Variants in CAMTA1 observed in about 807,000 individuals in gnomAD.
CAMTA1 encodes the protein calmodulin binding transcription activator 1.
CAMTA1 carries 27 observed loss-of-function variants against 170.9 expected under a neutral mutation model. That is an observed-to-expected ratio of 0.16 (90% CI 0.12 to 0.22). The LOEUF is 0.22. CAMTA1 is among the 10% of genes least tolerant of loss of function. The probability of loss-of-function intolerance (pLI) is 1.00; values close to 1 mark genes in which losing one functional copy is unlikely to be tolerated. For synonymous variants in CAMTA1, 833 were observed against 891.5 expected (o/e 0.93, Z 1.17); for missense variants, 1,619 against 2,217.2 (o/e 0.73, Z 5.42).
intron 5 of CAMTA1, among the ~76,000 whole-genome samples, chr1:7,414,787 T>C (rs1266045577): frequency 6.6e-6 from 1 of 151,970 alleles, no homozygotes; most frequent in African/African-American, 2.4e-5. Flanking sequence ...TAGTTATTTC[T>C]TGCCTTCTGC....
rs79732977 is a variant in CAMTA1, at chr1:7,643,701, A to G, written c.664+3148A>G. On this transcript the variant is annotated intron_variant, in intron 7 of 22. Coordinates refer to ENST00000303635, the MANE Select transcript of CAMTA1 (RefSeq NM_015215.4). ...TGTAAAACTACAACAAACTCCCCAT[A>G]AATCTAATAACACTCAGCTCTCTGG... Among the ~76,000 whole-genome samples the G allele has an allele frequency of 8.5e-3, 1,299 of 152,358 alleles. 36 individuals are homozygous for G. The highest frequency in any genetic ancestry group is 6.1e-3 in the Non-Finnish European group (414 of 68,030).
At chr1:6,992,666 C>T (rs754722532) in intron 3 of CAMTA1, among the ~76,000 whole-genome samples, 2 of 152,126 alleles carry the variant, frequency 1.3e-5, no homozygotes, top group African/African-American at 2.4e-5. Flanking sequence ...AAAGCAGGCA[C>T]GTCTTACATG....
chr1:7,147,341 G>T (rs934576836), intron 4 of CAMTA1, among the ~76,000 whole-genome samples: 1 of 151,404 alleles, frequency 6.6e-6, no homozygotes, highest in Non-Finnish European at 1.5e-5. Flanking sequence ...GGAGAATGGC[G>T]TGAACCCGGG....
intron 3 of CAMTA1, among the ~76,000 whole-genome samples, chr1:7,061,941 C>T (rs559000339): frequency 1.3e-5 from 2 of 151,888 alleles, no homozygotes; most frequent in South Asian, 2.1e-4. Context: ...TTTTTGAGAC[C>T]GAGTTTTGTT....
chr1:6,975,634 G>A (rs111566416), intron 3 of CAMTA1, among the ~76,000 whole-genome samples: 5 of 152,166 alleles, frequency 3.3e-5, no homozygotes, highest in South Asian at 2.1e-4. Flanking sequence ...GCATAATAAC[G>A]GCTTCATTGA....
At chr1:7,567,331 A>G (rs1487837006) in intron 6 of CAMTA1, among the ~76,000 whole-genome samples, 1 of 152,218 alleles carries the variant, frequency 6.6e-6, no homozygotes, top group Non-Finnish European at 1.5e-5. Flanking sequence ...ACCCTGAAGG[A>G]CAGGGGAGGG....
At position 7,682,176 on chromosome 1, in the gene CAMTA1, G is replaced by A. The variant is rs969910383; in HGVS notation, c.2914+4443G>A. Among the ~76,000 whole-genome samples the A allele has an allele frequency of 1.3e-5, 2 of 152,190 alleles. No individual in the cohort carries two copies. Among genetic ancestry groups the A allele is most frequent in the African/African-American group, 4.8e-5 (2 of 41,444 alleles). ...CCCCTTCTGGCCTCAGGGGTGAGGG[G>A]GGACCCTGTCATCTCAGGCAGAGCG... is the stretch of plus-strand genomic sequence containing the variant. On this transcript the variant is annotated intron_variant, in intron 11 of 22. Transcript: ENST00000303635. The surrounding 1 kb of genome is among the most constrained non-coding windows in gnomAD (Gnocchi z 5.0).
At chr1:6,913,792 G>A (rs1428079683) in intron 3 of CAMTA1, among the ~76,000 whole-genome samples, 2 of 151,954 alleles carry the variant, frequency 1.3e-5, no homozygotes, top group East Asian at 3.9e-4. Flanking sequence ...GGGTTCTTAA[G>A]GCAGAGTAGG....
Position 6,887,586 on chromosome 1 carries a change from AT to A in CAMTA1, c.234+62381del. 5 of 1,521,668 alleles carry A rather than the reference AT, an allele frequency of 3.3e-6. No homozygotes were observed. The South Asian group carries it at 6.1e-5, about 18-fold the overall frequency. The allele number at this position is 1,521,668 out of a possible 1,614,324, so 94.3% of individuals were successfully genotyped here. On this transcript the variant is annotated intron_variant, in intron 3 of 22. Transcript: ENST00000303635. This position sits in a 1 kb window ranked among gnomAD's most constrained non-coding sequence, Gnocchi z 4.1. ...CTCTCTGCCTCTGGAAATGGGGCAA[AT>A]TTTTCTTCAGTTAAAAACAGAAATA...
chr1:7,559,781 C>T (rs925975632), intron 6 of CAMTA1, among the ~76,000 whole-genome samples: 2 of 152,090 alleles, frequency 1.3e-5, no homozygotes, highest in African/African-American at 2.4e-5. Context: ...GATTGCACCC[C>T]GATGTCCTCT....
At chr1:6,973,138 C>G (rs890418278) in intron 3 of CAMTA1, among the ~76,000 whole-genome samples, 2 of 152,208 alleles carry the variant, frequency 1.3e-5, no homozygotes, top group Non-Finnish European at 2.9e-5. Flanking sequence ...AGGCATGAGC[C>G]ACCACGCCTA....
At chr1:7,513,929 A>G (rs1316702899) in intron 6 of CAMTA1, among the ~76,000 whole-genome samples, 1 of 76,476 alleles carries the variant, frequency 1.3e-5, no homozygotes, top group Non-Finnish European at 3.2e-5. Flanking sequence ...TCTCAAAAAC[A>G]CATACACACA....
intron 1 of CAMTA1, among the ~76,000 whole-genome samples, chr1:6,809,020 CTTCT>C (rs1193471893): frequency 2.0e-5 from 3 of 149,926 alleles, no homozygotes; most frequent in Non-Finnish European, 4.4e-5. Context: ...TTTTCTTCTT[CTTCT>C]TTTTCTTTTT....
intron 11 of CAMTA1, among the ~76,000 whole-genome samples, chr1:7,720,577 C>T (rs935600490): frequency 2.6e-5 from 4 of 152,080 alleles, no homozygotes; most frequent in African/African-American, 9.7e-5. Flanking sequence ...AGACGGGGTT[C>T]ACCACATTGG....
intron 3 of CAMTA1, among the ~76,000 whole-genome samples, chr1:6,828,376 C>CCGCCTCCCGGG (rs1648119026): frequency 6.7e-6 from 1 of 148,698 alleles, no homozygotes; most frequent in Admixed American, 6.7e-5. Flanking sequence ...ACTGCAACCT[C>CCGCCTCCCGGG]CGCCTCCCGG....
Position 7,392,731 on chromosome 1 carries a change from G to A in CAMTA1, c.439-75099G>A, listed in dbSNP as rs187242892. 3.4e-4 allele frequency among the ~76,000 whole-genome samples: 51 copies of A among 152,140 alleles called. No homozygotes were observed. In the Middle Eastern group the frequency reaches 0.041, roughly 122 times the overall value. ...CTACTAAAAATATAAAAAATTAGCC[G>A]GGTGTGGTGGCAGGCACCTGTAGTC... On this transcript the variant is annotated intron_variant, in intron 5 of 22. Transcript: ENST00000303635.
At chr1:7,217,341 C>A (rs1156594273) in intron 4 of CAMTA1, among the ~76,000 whole-genome samples, 1 of 152,200 alleles carries the variant, frequency 6.6e-6, no homozygotes, top group Non-Finnish European at 1.5e-5. Flanking sequence ...GCCAGTTGAA[C>A]CTCTTTCCTT....
At chr1:7,169,260 T>C (rs999752932) in intron 4 of CAMTA1, among the ~76,000 whole-genome samples, 5 of 152,224 alleles carry the variant, frequency 3.3e-5, no homozygotes, top group African/African-American at 1.2e-4. Flanking sequence ...TCTCATGATA[T>C]TCTTGTCAGA....
chr1:6,925,101 A>G (rs183066837), intron 3 of CAMTA1, among the ~76,000 whole-genome samples: 1 of 152,338 alleles, frequency 6.6e-6, no homozygotes, highest in Non-Finnish European at 1.5e-5. Flanking sequence ...AGCCTTGCAC[A>G]CTGGGCAGTG....
Sources: gnomAD v4.1 joint callset for allele counts (sites outside exome capture counted in the v4.1 genomes callset) on GRCh38, gnomAD v4.1.1 for gene constraint, Gnocchi (gnomAD v3.1) non-coding constraint, MANE v1.5 for transcripts, NCBI Gene and HGNC (gene_info 2026-07-23, HGNC 2026-07-21) for gene names.